Variants in STK39 observed in about 807,000 individuals in gnomAD.
The protein encoded by STK39 is STE20/SPS1-related proline-alanine-rich protein kinase.
STK39 carries 20 observed loss-of-function variants against 77.8 expected under a neutral mutation model. The ratio of observed to expected loss-of-function variants is 0.26; its 90% CI spans 0.18 to 0.37. The LOEUF (loss-of-function observed/expected upper bound fraction) is 0.37, where lower values mean the gene tolerates loss of function less well. STK39 is among the 10% of genes least tolerant of loss of function. The pLI is 1.00. For synonymous variants in STK39, 246 were observed against 234.1 expected (o/e 1.05, Z -0.47); for missense variants, 479 against 656.5 (o/e 0.73, Z 2.95).
chr2:168,033,982 C>T (rs1684890626), intron 14 of STK39, among the ~76,000 whole-genome samples: 1 of 152,182 alleles, frequency 6.6e-6, no homozygotes, highest in Non-Finnish European at 1.5e-5. Context: ...TATGTATAAT[C>T]TTTAGGTGTT....
chr2:168,078,794 T>G (rs1343488134), intron 10 of STK39, among the ~76,000 whole-genome samples: 2 of 149,666 alleles, frequency 1.3e-5, no homozygotes, highest in Non-Finnish European at 3.0e-5. Context: ...ACTGCCACAT[T>G]AACTTCTCCC....
chr2:168,026,487 C>T (rs897894524), intron 14 of STK39, among the ~76,000 whole-genome samples: 2 of 152,182 alleles, frequency 1.3e-5, no homozygotes, highest in Non-Finnish European at 2.9e-5. Context: ...TTAATTCATG[C>T]CATTCTCCAT....
chr2:168,170,280 A>G (rs1688791811), intron 2 of STK39, among the ~76,000 whole-genome samples: 1 of 152,206 alleles, frequency 6.6e-6, no homozygotes, highest in African/African-American at 2.4e-5. Context: ...CCGCATTCAT[A>G]TGGTTAGGAA....
chr2:168,229,338 T>C lies in STK39; in HGVS notation c.208+17890A>G, dbSNP rs113342156. 2.0e-5 allele frequency among the ~76,000 whole-genome samples: 3 copies of C among 151,482 alleles called. No homozygotes were observed. The East Asian group carries it at 5.8e-4, about 29-fold the overall frequency. Reference sequence around the variant, plus strand: ...AGGCGGAGGTTGCAGTAAGCTGACATTGCACCATTGCATTCCAGCCTGGGT... The same window carrying C: ...AGGCGGAGGTTGCAGTAAGCTGACACTGCACCATTGCATTCCAGCCTGGGT... On this transcript the variant is annotated intron_variant, in intron 1 of 17. Transcript: ENST00000355999.
chr2:168,101,802 G>A (rs950608778), intron 10 of STK39, among the ~76,000 whole-genome samples: 36 of 152,062 alleles, frequency 2.4e-4, no homozygotes, highest in African/African-American at 6.5e-4. Flanking sequence ...ATAATCCACC[G>A]TAAAACTCAA....
At chr2:168,212,140 C>T (rs6743667) in intron 1 of STK39, among the ~76,000 whole-genome samples, 5,974 of 152,230 alleles carry the variant, frequency 0.039, 374 homozygotes, top group African/African-American at 0.13. Flanking sequence ...AAGCTTGAGT[C>T]GTAAATTGAA....
intron 1 of STK39, among the ~76,000 whole-genome samples, chr2:168,207,404 C>T (rs1026313937): frequency 8.5e-5 from 13 of 152,100 alleles, no homozygotes; most frequent in Non-Finnish European, 1.9e-4. Context: ...TACGATAGGC[C>T]TCCACCCTTA....
At chr2:168,001,110 C>T (rs1375240137) in intron 16 of STK39, among the ~76,000 whole-genome samples, 1 of 152,212 alleles carries the variant, frequency 6.6e-6, no homozygotes, top group Non-Finnish European at 1.5e-5. Flanking sequence ...TCAGCAGACA[C>T]AGAATCTGGC....
At chr2:168,077,081 G>T (rs957706270) in intron 10 of STK39, among the ~76,000 whole-genome samples, 6 of 152,098 alleles carry the variant, frequency 3.9e-5, no homozygotes, top group African/African-American at 1.4e-4. Context: ...AGAATTTAAA[G>T]CCACATCTAT....
intron 16 of STK39, among the ~76,000 whole-genome samples, chr2:167,995,869 C>T (rs1480588231): frequency 2.6e-5 from 4 of 152,172 alleles, no homozygotes; most frequent in Non-Finnish European, 5.9e-5. Flanking sequence ...CTCTCCTTCC[C>T]AGCCCTTTTG....
chr2:168,218,385 C>T (rs552033694), intron 1 of STK39, among the ~76,000 whole-genome samples: 10 of 152,246 alleles, frequency 6.6e-5, no homozygotes, highest in African/African-American at 1.4e-4. Flanking sequence ...TGATCTTTTC[C>T]GCTAAGCTGA....
At chr2:168,110,600 CCTT>C (rs2105469041) in intron 10 of STK39, among the ~76,000 whole-genome samples, 1 of 152,164 alleles carries the variant, frequency 6.6e-6, no homozygotes, top group South Asian at 2.1e-4. Flanking sequence ...CAGAATAGTT[CCTT>C]CTTTTTTCCA....
chr2:168,217,100 G>C (rs969429531), intron 1 of STK39, among the ~76,000 whole-genome samples: 1 of 152,162 alleles, frequency 6.6e-6, no homozygotes, highest in Non-Finnish European at 1.5e-5. Flanking sequence ...CTCACAACAC[G>C]AAAATCAGTG....
rs551883620 is a variant in STK39 at position 168,062,714 on chromosome 2, T to C, written c.1376+786A>G. On this transcript the variant is annotated intron_variant, in intron 14 of 17. Transcript: ENST00000355999. ...TGAACCCGCTTTTTGTAGCTACAAC[T>C]CAGAAAATGCCTAGTATATGCACGT... Among the ~76,000 whole-genome samples the C allele has an allele frequency of 2.0e-5, 3 of 152,268 alleles. No homozygotes were observed. In the East Asian group the frequency reaches 5.8e-4, roughly 29 times the overall value.
Position 167,958,346 on chromosome 2 carries a change from C to T in STK39, c.1564-2776G>A, listed in dbSNP as rs1000085557. ...CATTTAAAAACATAAAATAGGTTTA[C>T]ATAAATTAATTATACTATCTTAAAT... is the stretch of plus-strand genomic sequence containing the variant. On this transcript the variant is annotated intron_variant, in intron 17 of 17. Transcript: ENST00000355999. Among the ~76,000 whole-genome samples the T allele has an allele frequency of 8.5e-5, 13 of 152,180 alleles. No individual in the cohort carries two copies. The East Asian group carries it at 2.3e-3, about 27-fold the overall frequency.
At chr2:168,100,038 T>C (rs1686779020) in intron 10 of STK39, among the ~76,000 whole-genome samples, 1 of 152,184 alleles carries the variant, frequency 6.6e-6, no homozygotes, top group African/African-American at 2.4e-5. Flanking sequence ...AAAAGCAAAA[T>C]GCCTGGGTAA....
intron 1 of STK39, among the ~76,000 whole-genome samples, chr2:168,223,407 G>C (rs1690224661): frequency 6.6e-6 from 1 of 151,500 alleles, no homozygotes; most frequent in African/African-American, 2.4e-5. Context: ...AGCTAATCGG[G>C]AGGGCGAGGC....
At chr2:168,163,945 A>G in intron 3 of STK39, 65 bp from the exon 4 acceptor site, 2 of 1,548,174 alleles carry the variant, frequency 1.3e-6, no homozygotes, top group Non-Finnish European at 1.7e-6. Flanking sequence ...ACAAGACTCC[A>G]TTATGTATAA....
intron 1 of STK39, among the ~76,000 whole-genome samples, chr2:168,238,200 A>G (rs909775624): frequency 1.1e-4 from 16 of 152,226 alleles, no homozygotes; most frequent in Non-Finnish European, 5.9e-5. Flanking sequence ...GAGAAGTCTC[A>G]CAACTGTCAC....
Sources: gnomAD v4.1 joint callset for allele counts (sites outside exome capture counted in the v4.1 genomes callset) on GRCh38, gnomAD v4.1.1 for gene constraint, MANE v1.5 for transcripts, NCBI Gene and HGNC (gene_info 2026-07-23, HGNC 2026-07-21) for gene names.